Variants in UHRF1 observed in about 807,000 individuals in gnomAD.
UHRF1 encodes E3 ubiquitin-protein ligase UHRF1.
Under a neutral mutation model 96.5 loss-of-function variants are expected in UHRF1, and 9 were observed. The observed-to-expected ratio is 0.09, with a 90% CI of 0.06 to 0.16. UHRF1 has a LOEUF of 0.16. UHRF1 is among the 10% of genes least tolerant of loss of function. The pLI is 1.00. For synonymous variants in UHRF1, 455 were observed against 469.9 expected (o/e 0.97, Z 0.41); for missense variants, 626 against 1,131.1 (o/e 0.55, Z 6.40).
intron 16 of UHRF1, among the ~76,000 whole-genome samples, chr19:4,957,555 G>A (rs531429403): frequency 4.5e-4 from 69 of 152,178 alleles, no homozygotes; most frequent in African/African-American, 1.3e-3. Flanking sequence ...TCATCCACCC[G>A]CCTTGGCCTC....
chr19:4,904,426 A>T (rs746844398), intron 1 of UHRF1, among the ~76,000 whole-genome samples: 1 of 151,826 alleles, frequency 6.6e-6, no homozygotes, highest in Non-Finnish European at 1.5e-5. Flanking sequence ...TGATCCGCCC[A>T]CCTTGGCCTC....
chr19:4,936,086 C>T (rs1313508772), intron 5 of UHRF1, among the ~76,000 whole-genome samples: 7 of 152,152 alleles, frequency 4.6e-5, no homozygotes, highest in Non-Finnish European at 5.9e-5. Flanking sequence ...GCTTGTGTCC[C>T]GAGCCCTCTG....
intron 2 of UHRF1, among the ~76,000 whole-genome samples, chr19:4,916,852 T>C (rs899120485): frequency 2.0e-5 from 3 of 152,178 alleles, no homozygotes; most frequent in African/African-American, 7.2e-5. Context: ...GTCAGGCCCC[T>C]GCAGGCACTC....
At chr19:4,955,520 A>G (rs2033835473) in intron 15 of UHRF1, among the ~76,000 whole-genome samples, 1 of 151,750 alleles carries the variant, frequency 6.6e-6, no homozygotes, top group Non-Finnish European at 1.5e-5. Flanking sequence ...TCTGCTGTGG[A>G]TGGTGACGTC....
chr19:4,903,874 T>C (rs2032002338), intron 1 of UHRF1, among the ~76,000 whole-genome samples: 1 of 152,340 alleles, frequency 6.6e-6, no homozygotes, highest in Middle Eastern at 3.4e-3. Flanking sequence ...CATAGAGATA[T>C]GGCCAGGACC....
At chr19:4,912,996 C>T (rs1599237764) in intron 2 of UHRF1, among the ~76,000 whole-genome samples, 1 of 152,198 alleles carries the variant, frequency 6.6e-6, no homozygotes, top group South Asian at 2.1e-4. Flanking sequence ...TCAAGTGACC[C>T]TCCTGCCTTG....
intron 5 of UHRF1, among the ~76,000 whole-genome samples, chr19:4,937,535 T>C (rs2033254357): frequency 6.6e-6 from 1 of 152,068 alleles, no homozygotes; most frequent in Non-Finnish European, 1.5e-5. Flanking sequence ...AGCTTATTTT[T>C]GTATTTTTAG....
At chr19:4,923,766 G>A (rs1317464844) in intron 2 of UHRF1, among the ~76,000 whole-genome samples, 2 of 152,192 alleles carry the variant, frequency 1.3e-5, no homozygotes, top group African/African-American at 4.8e-5. Flanking sequence ...GTGGAGGCCT[G>A]GAGTGCTGAT....
intron 2 of UHRF1, among the ~76,000 whole-genome samples, chr19:4,912,154 C>T (rs937512026): frequency 3.3e-5 from 5 of 152,126 alleles, no homozygotes; most frequent in African/African-American, 4.8e-5. Context: ...TGAGTTAACC[C>T]GCCCTGCCCC....
At chr19:4,939,795 T>A (rs537963408) in intron 5 of UHRF1, among the ~76,000 whole-genome samples, 1 of 151,920 alleles carries the variant, frequency 6.6e-6, no homozygotes, top group East Asian at 1.9e-4. Context: ...GGGGCCGAGG[T>A]GGGCGGATCA....
chr19:4,909,413 G>C (rs994057378), upstream of UHRF1: 8 of 651,216 alleles, frequency 1.2e-5, no homozygotes, highest in African/African-American at 3.8e-5. Context: ...CCACTGCGTC[G>C]GCCAATCAGG....
chr19:4,940,358 GATTTTTT>G (rs1276744787), intron 5 of UHRF1, among the ~76,000 whole-genome samples: 4 of 85,150 alleles, frequency 4.7e-5, no homozygotes, highest in African/African-American at 1.6e-4. Context: ...TTGCCTTTAT[GATTTTTT>G]TTTTTTTTTT....
rs976206586 is a variant in UHRF1, at chr19:4,954,403, C to T, written c.1872C>T (p.Asn624=). ...ALANREREKE[N]SKREEEEQQE... ...CCAACCGAGAGCGAGAGAAGGAGAACAGCAAGAGGGAGGAGGAGGAGCAGC... is the reference window on the plus strand; with the variant it reads ...CCAACCGAGAGCGAGAGAAGGAGAATAGCAAGAGGGAGGAGGAGGAGCAGC... The change falls in exon 14 of 17, where the codon AAC becomes AAT. Residue 624 remains asparagine, a synonymous_variant. Coordinates refer to ENST00000650932, the MANE Select transcript of UHRF1 (RefSeq NM_001048201.3). The surrounding 1 kb of genome is among the most constrained non-coding windows in gnomAD (Gnocchi z 5.9). 1 of 1,613,734 alleles carries T rather than the reference C, an allele frequency of 6.2e-7. No homozygotes were observed.
At position 4,933,957 on chromosome 19, in the gene UHRF1, T is replaced by TTGTGTGTGTGTG. The variant is rs753933265; in HGVS notation, c.785+1004_785+1015dup. On this transcript the variant is annotated intron_variant, in intron 5 of 16. Coordinates refer to ENST00000650932, the MANE Select transcript of UHRF1 (RefSeq NM_001048201.3). ...AGCCTGTTCTTTCTCCCTTGCCTCT[T>TTGTGTGTGTGTG]TGTGTGTGTGTGTGCGTGTGTGTGT... Among the ~76,000 whole-genome samples the TTGTGTGTGTGTG allele has an allele frequency of 4.6e-3, 451 of 97,776 alleles. 4 individuals carry two copies. Among genetic ancestry groups the TTGTGTGTGTGTG allele is most frequent in the African/African-American group, 0.015 (425 of 28,870 alleles). The allele number at this position is 97,776 out of a possible 152,430, so 64.1% of individuals were successfully genotyped here.
chr19:4,929,075 G>A (rs1718554711), intron 2 of UHRF1, 147 bp from the exon 3 acceptor site: 1 of 1,163,444 alleles, frequency 8.6e-7, no homozygotes, highest in Non-Finnish European at 1.2e-6. Flanking sequence ...CCCCTGGCAT[G>A]GCCCAGGTAT....
intron 11 of UHRF1, among the ~76,000 whole-genome samples, chr19:4,948,114 A>C (rs1004462960): frequency 3.8e-4 from 58 of 151,698 alleles, no homozygotes; most frequent in Non-Finnish European, 5.4e-4. Flanking sequence ...AAAAAAAAAA[A>C]AAAAAACCCC....
At chr19:4,908,546 T>G (rs949367915), upstream of UHRF1, among the ~76,000 whole-genome samples, 1 of 152,026 alleles carries the variant, frequency 6.6e-6, no homozygotes, top group African/African-American at 2.4e-5. Context: ...TTCCGGCCTC[T>G]GGGTTTGACT....
chr19:4,950,126 C>T (rs1378399043), intron 11 of UHRF1, among the ~76,000 whole-genome samples: 2 of 150,780 alleles, frequency 1.3e-5, no homozygotes, highest in African/African-American at 5.0e-5. Context: ...CTGCCTTGGC[C>T]TCCCAGAGTA....
intron 2 of UHRF1, among the ~76,000 whole-genome samples, chr19:4,924,022 A>C (rs980035095): frequency 2.0e-5 from 3 of 152,210 alleles, no homozygotes; most frequent in Non-Finnish European, 4.4e-5. Context: ...GCTGGAGTGC[A>C]GTGGCGAGAT....
Sources: allele counts gnomAD v4.1 joint callset (sites outside exome capture counted in the v4.1 genomes callset), GRCh38; gene constraint gnomAD v4.1.1; non-coding constraint Gnocchi (gnomAD v3.1); transcripts MANE v1.5; gene names NCBI Gene and HGNC (gene_info 2026-07-23, HGNC 2026-07-21).